Variants in SDK2 observed in about 807,000 individuals in gnomAD.
The protein encoded by SDK2 is protein sidekick-2.
Under a neutral mutation model 253.9 loss-of-function variants are expected in SDK2, and 105 were observed. The observed-to-expected ratio is 0.41, with a 90% CI of 0.35 to 0.49. The LOEUF (loss-of-function observed/expected upper bound fraction) is 0.49. SDK2 is among the 20% of genes least tolerant of loss of function. The pLI is 0.06. For synonymous variants in SDK2, 1,249 were observed against 1,234.9 expected (o/e 1.01, Z -0.24); for missense variants, 2,608 against 3,003.0 (o/e 0.87, Z 3.07).
chr17:73,424,581 A>G (rs983817005), intron 12 of SDK2, among the ~76,000 whole-genome samples: 2 of 152,264 alleles, frequency 1.3e-5, no homozygotes, highest in Admixed American at 6.5e-5. Context: ...CGGTCAGTCA[A>G]TACAAATGGG....
At chr17:73,343,782 C>T (rs1233734149) in intron 44 of SDK2, among the ~76,000 whole-genome samples, 1 of 152,206 alleles carries the variant, frequency 6.6e-6, no homozygotes, top group Non-Finnish European at 1.5e-5. Flanking sequence ...AAGGATCTGG[C>T]ACCAGACTCA....
intron 1 of SDK2, among the ~76,000 whole-genome samples, chr17:73,567,972 C>T (rs544169704): frequency 6.6e-6 from 1 of 152,150 alleles, no homozygotes; most frequent in Non-Finnish European, 1.5e-5. Context: ...CTTTCAAGGA[C>T]TATTGGAAAA....
intron 4 of SDK2, among the ~76,000 whole-genome samples, chr17:73,454,572 T>C (rs1393717888): frequency 1.3e-5 from 2 of 152,178 alleles, no homozygotes; most frequent in African/African-American, 4.8e-5. Flanking sequence ...GAGAACGAGA[T>C]TGAGAGCATC....
intron 12 of SDK2, 30 bp from the exon 13 acceptor site, chr17:73,424,122 AGGGAGAGGAAGGTACCTT>A (rs2063259637): frequency 6.3e-7 from 1 of 1,580,524 alleles, no homozygotes; most frequent in Non-Finnish European, 8.6e-7. Flanking sequence ...GTAAGTACAG[AGGGAGAGGAAGGTACCTT>A]GGGAGTGGGC....
At chr17:73,343,450 C>T (rs1467487664) in intron 44 of SDK2, among the ~76,000 whole-genome samples, 1 of 152,230 alleles carries the variant, frequency 6.6e-6, no homozygotes, top group East Asian at 1.9e-4. Flanking sequence ...AGGGGGAGAC[C>T]AGGGGCTCCT....
chr17:73,625,189 AC>A (rs924619865), intron 1 of SDK2, among the ~76,000 whole-genome samples: 31 of 152,290 alleles, frequency 2.0e-4, no homozygotes, highest in African/African-American at 5.5e-4. Flanking sequence ...AGCAGTGCAT[AC>A]CAGGCAGGAC....
rs549520227 is a variant in SDK2 at position 73,376,263 on chromosome 17, C to T, written c.4980+2914G>A. On this transcript the variant is annotated intron_variant, in intron 36 of 44. Coordinates refer to ENST00000392650, the MANE Select transcript of SDK2 (RefSeq NM_001144952.2). ...CCCTAACCTGCTTCATTTACCACCA[C>T]CTGGCGGTATTATTTATTTTGCCCC... Among the ~76,000 whole-genome samples, 20 of 152,298 alleles carry T rather than the reference C, an allele frequency of 1.3e-4. No homozygotes were observed. In the South Asian group the frequency reaches 4.1e-3, roughly 32 times the overall value.
At chr17:73,605,778 TACA>T (rs2045899642) in intron 1 of SDK2, among the ~76,000 whole-genome samples, 1 of 152,142 alleles carries the variant, frequency 6.6e-6, no homozygotes, top group Non-Finnish European at 1.5e-5. Context: ...GATGCACGTA[TACA>T]ACACCAGCCC....
At chr17:73,631,697 T>C (rs1162810787) in intron 1 of SDK2, among the ~76,000 whole-genome samples, 1 of 152,198 alleles carries the variant, frequency 6.6e-6, no homozygotes, top group African/African-American at 2.4e-5. Flanking sequence ...TCCTTAGTGA[T>C]GCATGGGGAA....
chr17:73,573,421 T>C (rs79383741), intron 1 of SDK2, among the ~76,000 whole-genome samples: 2,071 of 152,164 alleles, frequency 0.014, 34 homozygotes, highest in African/African-American at 0.046. Flanking sequence ...GATAGGTCAC[T>C]CTGCACCCCC....
chr17:73,417,405 CA>C (rs111684261), intron 16 of SDK2, among the ~76,000 whole-genome samples: 2,175 of 98,602 alleles, frequency 0.022, 41 homozygotes, highest in African/African-American at 0.064. Flanking sequence ...GACCCTGTCT[CA>C]AAAAAAAAAA....
chr17:73,539,512 TGGTGGGGGGC>T (rs1421961339), intron 1 of SDK2, among the ~76,000 whole-genome samples: 1 of 42,528 alleles, frequency 2.4e-5, no homozygotes, highest in East Asian at 5.8e-4. Context: ...AGCTGGGGGG[TGGTGGGGGGC>T]AAAAGCACGG....
In SDK2 at chr17:73,365,192, C is replaced by T. The variant is rs376530575; in HGVS notation, c.5305+66G>A. On this transcript the variant is annotated intron_variant, in intron 38 of 44. Transcript: ENST00000392650. ...ACTCATGTGTAGTGGCTGTGATGGG[C>T]GCTGAGATGAGAGCGAGCTTTTGCA... The T allele has an allele frequency of 1.5e-5, 19 of 1,295,378 alleles. No individual in the cohort carries two copies. In the Admixed American group the frequency reaches 2.4e-4, roughly 16 times the overall value. The allele number at this position is 1,295,378 out of a possible 1,614,324, so 80.2% of individuals were successfully genotyped here.
intron 1 of SDK2, among the ~76,000 whole-genome samples, chr17:73,556,148 C>G (rs1418906273): frequency 6.6e-6 from 1 of 152,210 alleles, no homozygotes; most frequent in Non-Finnish European, 1.5e-5. Flanking sequence ...TCCTCTCCCT[C>G]TTAATGACCC....
intron 1 of SDK2, among the ~76,000 whole-genome samples, chr17:73,631,705 GA>G (rs1229962592): frequency 2.0e-5 from 3 of 152,222 alleles, no homozygotes; most frequent in African/African-American, 7.2e-5. Flanking sequence ...GATGCATGGG[GA>G]AGGCAAGGTG....
At chr17:73,472,324 A>C (rs1253877111) in intron 2 of SDK2, 106 bp from the exon 3 acceptor site, 5 of 715,860 alleles carry the variant, frequency 7.0e-6, no homozygotes, top group Non-Finnish European at 1.2e-5. Context: ...CTCTTTTGGA[A>C]TAAGAGTACC....
In SDK2 at chr17:73,338,267, C is replaced by T. The variant is rs1197606723; in HGVS notation, c.*320G>A. On this transcript the variant is annotated 3_prime_UTR_variant, in exon 45 of 45. Coordinates refer to ENST00000392650, the MANE Select transcript of SDK2 (RefSeq NM_001144952.2). The surrounding 1 kb of genome is among the most constrained non-coding windows in gnomAD (Gnocchi z 5.0). ...GCCTCCAGTCCTTAGCCTCCGCTCC[C>T]TCTCTCTCTCCAGATGCCCGCCCCA... 1 of 480,274 alleles carries T rather than the reference C, an allele frequency of 2.1e-6. No homozygotes were observed. Among genetic ancestry groups the T allele is most frequent in the African/African-American group, 2.0e-5 (1 of 51,148 alleles). 29.8% of individuals were successfully genotyped at this position (480,274 alleles called of 1,614,324 possible).
At chr17:73,363,018 G>A (rs1396005685) in intron 38 of SDK2, among the ~76,000 whole-genome samples, 1 of 152,260 alleles carries the variant, frequency 6.6e-6, no homozygotes, top group East Asian at 1.9e-4. Context: ...AGGCAGGGAT[G>A]CTATGAGCTT....
Position 73,395,122 on chromosome 17 carries a change from G to A in SDK2, c.3592+33C>T, listed in dbSNP as rs1319684159. 26 of 1,522,522 alleles carry A rather than the reference G, an allele frequency of 1.7e-5. No individual in the cohort carries two copies. Among genetic ancestry groups the A allele is most frequent in the Non-Finnish European group, 2.3e-5 (26 of 1,124,636 alleles). 94.3% of individuals were successfully genotyped at this position (1,522,522 alleles called of 1,614,324 possible). ...GGCATAGAGACCAAGGAGGGGACAGGCAGCAGGGTGGCTGGGTGTGAGGGG... is the reference window on the plus strand; with the variant it reads ...GGCATAGAGACCAAGGAGGGGACAGACAGCAGGGTGGCTGGGTGTGAGGGG... On this transcript the variant is annotated intron_variant, in intron 25 of 44. Coordinates refer to ENST00000392650, the MANE Select transcript of SDK2 (RefSeq NM_001144952.2). The surrounding 1 kb of genome is among the most constrained non-coding windows in gnomAD (Gnocchi z 4.3).
Sources: gnomAD v4.1 joint callset for allele counts (sites outside exome capture counted in the v4.1 genomes callset) on GRCh38, gnomAD v4.1.1 for gene constraint, Gnocchi (gnomAD v3.1) non-coding constraint, MANE v1.5 for transcripts, NCBI Gene and HGNC (gene_info 2026-07-23, HGNC 2026-07-21) for gene names.